WDR62: variants seen among roughly 807,000 people sequenced by gnomAD.
WDR62 encodes the protein WD repeat-containing protein 62.
Under a neutral mutation model 160.6 loss-of-function variants are expected in WDR62, and 112 were observed. The observed-to-expected ratio is 0.70, with a 90% CI of 0.60 to 0.82. The LOEUF (loss-of-function observed/expected upper bound fraction) is 0.82. Among genes scored for constraint, WDR62 ranks in the 40% least tolerant of loss-of-function variants. The pLI is 0.00. For missense variants in WDR62, 1,819 were observed against 1,983.8 expected (o/e 0.92, Z 1.58); for synonymous variants, 792 against 815.1 (o/e 0.97, Z 0.48).
intron 5 of WDR62, among the ~76,000 whole-genome samples, chr19:36,066,993 A>G (rs1970975847): frequency 1.3e-5 from 2 of 152,192 alleles, no homozygotes; most frequent in Admixed American, 1.3e-4. Flanking sequence ...TGACAGCCAT[A>G]GGTTGTGTTG....
chr19:36,082,302 A>T (rs1007548865), intron 10 of WDR62, among the ~76,000 whole-genome samples: 6 of 152,178 alleles, frequency 3.9e-5, no homozygotes, highest in Admixed American at 3.9e-4. Context: ...CAGCATGTGA[A>T]CTTATCTGGG....
At position 36,073,751 on chromosome 19, in the gene WDR62, C is replaced by T. The variant is rs11669890; in HGVS notation, c.1233+220C>T. 0.18 allele frequency: 113,087 copies of T among 623,778 alleles called. 11,239 individuals are homozygous for T. Among genetic ancestry groups the T allele is most frequent in the Middle Eastern group, 0.24 (939 of 3,936 alleles). 38.6% of individuals were successfully genotyped at this position (623,778 alleles called of 1,614,324 possible). On this transcript the variant is annotated intron_variant, in intron 9 of 31. Coordinates refer to ENST00000401500, the MANE Select transcript of WDR62 (RefSeq NM_001083961.2). The stretch of plus-strand genomic sequence containing the variant: ...CTGGAAACATCATCAGTGAATAACA[C>T]GCCAAGCAGCAGTAACCCTCTGAAG...
chr19:36,091,678 C>T (rs1324946526), intron 18 of WDR62, among the ~76,000 whole-genome samples: 1 of 151,946 alleles, frequency 6.6e-6, no homozygotes, highest in East Asian at 1.9e-4. Flanking sequence ...GGGTGGATCA[C>T]TTGAGCTCAG....
chr19:36,084,155 G>C (rs1225109434), intron 11 of WDR62, among the ~76,000 whole-genome samples: 3 of 152,142 alleles, frequency 2.0e-5, no homozygotes, highest in Non-Finnish European at 4.4e-5. Flanking sequence ...AAGGTGTCTG[G>C]AGTAAGATCA....
At chr19:36,085,414 C>CTTTTTTTTTTTT (rs35753706) in intron 12 of WDR62, among the ~76,000 whole-genome samples, 3,952 of 70,108 alleles carry the variant, frequency 0.056, 845 homozygotes, top group East Asian at 0.13. Context: ...CACACCTGAC[C>CTTTTTTTTTTTT]TTTTTTTTTT....
rs2285745 is a variant in WDR62, at chr19:36,099,427, T to C, written c.2549T>C (p.Leu850Ser). The change falls in exon 22 of 32, where the codon TTG (leucine) becomes TCG (serine). Residue 850 changes from leucine to serine, a missense_variant. Physicochemically the swap from Leu to Ser is moderately radical, Grantham distance 145 (BLOSUM62 -2). Transcript: ENST00000401500. ...LLGDDDVADG[L>S]AFHAKRSYQP... is the part of the protein sequence containing the mutation. ...GGGGACGATGATGTGGCAGATGGCT[T>C]GGCCTTCCACGCCAAGCGCAGCTAC... The C allele has an allele frequency of 0.65, 1,056,502 of 1,613,118 alleles. 348,078 individuals are homozygous for C. Among genetic ancestry groups the C allele is most frequent in the African/African-American group, 0.73 (54,808 of 74,976 alleles).
intron 9 of WDR62, among the ~76,000 whole-genome samples, chr19:36,077,887 T>C (rs901024675): frequency 6.6e-6 from 1 of 152,128 alleles, no homozygotes; most frequent in Non-Finnish European, 1.5e-5. Flanking sequence ...TGAGCCACCA[T>C]GCCTGACCTG....
chr19:36,060,317 C>T, intron 3 of WDR62: 3 of 464,184 alleles, frequency 6.5e-6, no homozygotes, highest in Non-Finnish European at 7.9e-6. Flanking sequence ...AGGATGTCTT[C>T]GGGCAGGTTT....
At chr19:36,064,298 C>CA (rs762863340) in intron 3 of WDR62, among the ~76,000 whole-genome samples, 1 of 152,056 alleles carries the variant, frequency 6.6e-6, no homozygotes, top group African/African-American at 2.4e-5. Context: ...CTTTTTGAGA[C>CA]AGAGTCTCAC....
intron 18 of WDR62, among the ~76,000 whole-genome samples, chr19:36,092,032 C>T (rs761568884): frequency 4.0e-5 from 6 of 150,736 alleles, no homozygotes; most frequent in Non-Finnish European, 8.9e-5. Flanking sequence ...GTGATGAGGC[C>T]GGGCGCAGTG....
At chr19:36,063,087 G>A (rs1970746319) in intron 3 of WDR62, among the ~76,000 whole-genome samples, 1 of 152,070 alleles carries the variant, frequency 6.6e-6, no homozygotes. Context: ...TAGGATTACA[G>A]GCATATGCCA....
rs536726410 is a variant in WDR62, at chr19:36,076,208, A to G, written c.1233+2677A>G. ...TGGGATGCCAATATGTTCCAGTCTC[A>G]TCTTGTACATTTCCTGTCACACATC... On this transcript the variant is annotated intron_variant, in intron 9 of 31. Transcript: ENST00000401500. Among the ~76,000 whole-genome samples the G allele has an allele frequency of 3.3e-5, 5 of 151,978 alleles. No individual in the cohort carries two copies. In the East Asian group the frequency reaches 9.7e-4, roughly 29 times the overall value.
rs115453534 is a variant in WDR62, at chr19:36,091,277, G to A, written c.2112G>A (p.Ser704=). 26 of 1,613,752 alleles carry A rather than the reference G, an allele frequency of 1.6e-5. No homozygotes were observed. The highest frequency in any genetic ancestry group is 6.7e-5 in the African/African-American group (5 of 74,930). The change falls in exon 17 of 32, where the codon TCG becomes TCA. Residue 704 remains serine (S), a synonymous_variant. Transcript: ENST00000401500. Reference sequence around the variant, plus strand: ...GCATCTCAGTGATTGACTTTTACTCGGGCGAGTGCATTGCCAAGATGTTTG... The same window carrying A: ...GCATCTCAGTGATTGACTTTTACTCAGGCGAGTGCATTGCCAAGATGTTTG... ...DKSISVIDFY[S]GECIAKMFGH...
chr19:36,099,338 T>C (rs1973176889), intron 21 of WDR62, 61 bp from the exon 22 acceptor site: 4 of 1,430,732 alleles, frequency 2.8e-6, no homozygotes, highest in Non-Finnish European at 3.9e-6. Context: ...GAAATGTCCG[T>C]GTCGCTCCCT....
intron 12 of WDR62, among the ~76,000 whole-genome samples, chr19:36,085,772 G>A (rs1238286479): frequency 6.6e-6 from 1 of 152,036 alleles, no homozygotes; most frequent in African/African-American, 2.4e-5. Flanking sequence ...ATTTCCAAGT[G>A]AAGATTTCGT....
chr19:36,091,495 G>A (rs774871946), intron 18 of WDR62, 30 bp downstream of exon 18: 3 of 1,606,988 alleles, frequency 1.9e-6, no homozygotes, highest in Non-Finnish European at 2.6e-6. Flanking sequence ...GAGAGTTGTG[G>A]CTCAGATACC....
chr19:36,060,221 ATC>A (rs1481896377), intron 3 of WDR62, 191 bp downstream of exon 3: 2 of 645,138 alleles, frequency 3.1e-6, no homozygotes, highest in African/African-American at 3.6e-5. Context: ...GGAGACGAGA[ATC>A]TCTGCTGGCT....
Position 36,083,151 on chromosome 19 carries a change from C to G in WDR62, c.1460C>G (p.Thr487Arg), listed in dbSNP as rs781616169. The G allele has an allele frequency of 6.2e-7, 1 of 1,613,548 alleles. No individual in the cohort carries two copies. Among genetic ancestry groups the G allele is most frequent in the Non-Finnish European group, 8.5e-7 (1 of 1,179,714 alleles). The part of the protein sequence containing the change: ...HFPDRGSENG[T>R]PMDVKAGVRV... ...CCAGACCGGGGGAGCGAGAATGGGA[C>G]ACCCATGGACGTGAAAGCCGGGGTG... Residue 487 changes from threonine (T) to arginine (R), a missense_variant, in exon 11 of 32, where the codon ACA becomes AGA. Physicochemically the swap from Thr to Arg is moderately conservative, Grantham distance 71. This residue lies in a region of WDR62 where 934 missense variants were observed against 1,157.2 expected (regional missense o/e 0.81). Transcript: ENST00000401500.
chr19:36,066,506 T>C, intron 5 of WDR62, 79 bp downstream of exon 5: 1 of 1,501,550 alleles, frequency 6.7e-7, no homozygotes, highest in Non-Finnish European at 9.0e-7. Flanking sequence ...GAGAGCTACA[T>C]GAGAGGACGC....
Sources: allele counts gnomAD v4.1 joint callset (sites outside exome capture counted in the v4.1 genomes callset), GRCh38; gene constraint gnomAD v4.1.1; regional missense constraint gnomAD v4.1.1; transcripts MANE v1.5; gene names NCBI Gene and HGNC (gene_info 2026-07-23, HGNC 2026-07-21).